Variants in CXCL13 observed in about 807,000 individuals in gnomAD.
CXCL13 encodes C-X-C motif chemokine 13.
Under a neutral mutation model 12.2 loss-of-function variants are expected in CXCL13, and 7 were observed. The observed-to-expected ratio is 0.57, with a 90% CI of 0.33 to 1.07. The LOEUF (loss-of-function observed/expected upper bound fraction) is 1.07. Among genes scored for constraint, CXCL13 ranks in the 50% least tolerant of loss-of-function variants. The pLI is 0.04. For missense variants in CXCL13, 113 were observed against 127.4 expected, an observed-to-expected ratio of 0.89 and a Z score of 0.55; for synonymous variants, 47 against 42.4, an observed-to-expected ratio of 1.11 and a Z score of -0.42.
At chr4:77,541,013 A>G (rs1041130697) in intron 1 of CXCL13, among the ~76,000 whole-genome samples, 4 of 152,062 alleles carry the variant, frequency 2.6e-5, no homozygotes, top group Non-Finnish European at 5.9e-5. Flanking sequence ...TGTGATGTTG[A>G]ACATTTTTTT....
intron 1 of CXCL13, among the ~76,000 whole-genome samples, chr4:77,578,851 G>T (rs1414101415): frequency 6.6e-6 from 1 of 152,080 alleles, no homozygotes; most frequent in Non-Finnish European, 1.5e-5. Context: ...ATTTTACCTG[G>T]TATAGAATCA....
intron 1 of CXCL13, among the ~76,000 whole-genome samples, chr4:77,519,891 A>G (rs9760730): frequency 0.045 from 6,819 of 152,262 alleles, 479 homozygotes; most frequent in African/African-American, 0.15. Flanking sequence ...TAATTTTCGT[A>G]TAAGGTGTAA....
intron 1 of CXCL13, among the ~76,000 whole-genome samples, chr4:77,584,558 C>A (rs1197194243): frequency 6.6e-6 from 1 of 152,164 alleles, no homozygotes. Context: ...AATCTGAGTT[C>A]TCCTTAGAAG....
At chr4:77,568,319 T>C (rs1055332717) in intron 1 of CXCL13, among the ~76,000 whole-genome samples, 6 of 152,202 alleles carry the variant, frequency 3.9e-5, no homozygotes, top group African/African-American at 1.4e-4. Flanking sequence ...ATAGCCTGTT[T>C]GCAGTCTCCC....
At chr4:77,529,958 C>T (rs1294776768) in intron 1 of CXCL13, among the ~76,000 whole-genome samples, 5 of 152,166 alleles carry the variant, frequency 3.3e-5, no homozygotes, top group Admixed American at 3.3e-4. Flanking sequence ...CCATCAATAC[C>T]TAATTTATTG....
chr4:77,544,701 G>A (rs1323068990), intron 1 of CXCL13, among the ~76,000 whole-genome samples: 1 of 152,168 alleles, frequency 6.6e-6, no homozygotes, highest in Non-Finnish European at 1.5e-5. Flanking sequence ...TAGGTTGCCT[G>A]TTCACTCTGA....
At chr4:77,532,067 G>A (rs1724941573) in intron 1 of CXCL13, among the ~76,000 whole-genome samples, 1 of 152,134 alleles carries the variant, frequency 6.6e-6, no homozygotes, top group Non-Finnish European at 1.5e-5. Context: ...ATATTGTTAT[G>A]TGTGAATTTG....
chr4:77,583,129 C>A (rs929986348), intron 1 of CXCL13, among the ~76,000 whole-genome samples: 4 of 152,222 alleles, frequency 2.6e-5, no homozygotes, highest in African/African-American at 7.2e-5. Context: ...GTCAGAGAGC[C>A]AAGGAAGAAC....
At chr4:77,584,744 A>G (rs1455974726) in intron 1 of CXCL13, among the ~76,000 whole-genome samples, 1 of 152,192 alleles carries the variant, frequency 6.6e-6, no homozygotes, top group East Asian at 1.9e-4. Flanking sequence ...AATTGCCTGG[A>G]AAAAAGCTGG....
chr4:77,558,601 C>G (rs1017098383), intron 1 of CXCL13, among the ~76,000 whole-genome samples: 1 of 152,182 alleles, frequency 6.6e-6, no homozygotes, highest in Non-Finnish European at 1.5e-5. Context: ...GATCTGCCCG[C>G]CTTGGCCTTC....
intron 1 of CXCL13, among the ~76,000 whole-genome samples, chr4:77,523,100 C>T (rs1724657493): frequency 6.6e-6 from 1 of 152,184 alleles, no homozygotes; most frequent in South Asian, 2.1e-4. Flanking sequence ...ATGGGCTTCC[C>T]TTTGTGGGTA....
At chr4:77,559,529 A>T (rs550648007) in intron 1 of CXCL13, among the ~76,000 whole-genome samples, 2 of 152,170 alleles carry the variant, frequency 1.3e-5, no homozygotes, top group African/African-American at 2.4e-5. Flanking sequence ...GAGTTTGAAC[A>T]CATTACAGCT....
At chr4:77,519,472 T>C (rs1724521045) in intron 1 of CXCL13, among the ~76,000 whole-genome samples, 1 of 152,212 alleles carries the variant, frequency 6.6e-6, no homozygotes, top group African/African-American at 2.4e-5. Flanking sequence ...TGACCAGTGA[T>C]GATGAGCATT....
chr4:77,532,591 C>A (rs375796371), intron 1 of CXCL13, among the ~76,000 whole-genome samples: 1 of 152,230 alleles, frequency 6.6e-6, no homozygotes, highest in African/African-American at 2.4e-5. Flanking sequence ...GAATGTTGGC[C>A]TGCCTTGCTA....
At chr4:77,542,304 C>T (rs1412048192) in intron 1 of CXCL13, among the ~76,000 whole-genome samples, 1 of 152,054 alleles carries the variant, frequency 6.6e-6, no homozygotes, top group African/African-American at 2.4e-5. Flanking sequence ...AAGGGGAATG[C>T]TTCCAGTTTT....
intron 1 of CXCL13, among the ~76,000 whole-genome samples, chr4:77,582,302 A>G (rs185363683): frequency 6.6e-6 from 1 of 152,284 alleles, no homozygotes; most frequent in Admixed American, 6.5e-5. Context: ...GGCATATTGG[A>G]TGAATATATA....
chr4:77,538,358 A>G (rs1315646092), intron 1 of CXCL13, among the ~76,000 whole-genome samples: 1 of 150,832 alleles, frequency 6.6e-6, no homozygotes, highest in Non-Finnish European at 1.5e-5. Context: ...ATCAGTGAAG[A>G]ATGACTCATT....
upstream of CXCL13, among the ~76,000 whole-genome samples, chr4:77,601,364 T>C (rs1226470706): frequency 6.6e-6 from 1 of 152,082 alleles, no homozygotes; most frequent in Admixed American, 6.5e-5. Flanking sequence ...TCTTTTTATA[T>C]AAATTATTCC....
At chr4:77,554,049 G>A (rs913122672) in intron 1 of CXCL13, among the ~76,000 whole-genome samples, 7 of 151,916 alleles carry the variant, frequency 4.6e-5, no homozygotes, top group East Asian at 1.9e-4. Flanking sequence ...TTATAATATC[G>A]TGTTGTATAC....
Sources: allele counts gnomAD v4.1 joint callset (sites outside exome capture counted in the v4.1 genomes callset), GRCh38; gene constraint gnomAD v4.1.1; transcripts MANE v1.5; gene names NCBI Gene and HGNC (gene_info 2026-07-23, HGNC 2026-07-21).